SYN2: variants seen among roughly 807,000 people sequenced by gnomAD.
SYN2 encodes synapsin-2.
Under a neutral mutation model 50.9 loss-of-function variants are expected in SYN2, and 19 were observed. The observed-to-expected ratio is 0.37, with a 90% CI of 0.26 to 0.55. SYN2 has a LOEUF of 0.55. Among genes scored for constraint, SYN2 ranks in the 20% least tolerant of loss-of-function variants. The pLI is 0.81. For synonymous variants in SYN2, 255 were observed against 224.9 expected (o/e 1.13, Z -1.20); for missense variants, 587 against 576.4 (o/e 1.02, Z -0.19).
intron 1 of SYN2, among the ~76,000 whole-genome samples, chr3:12,019,014 C>G (rs1300386785): frequency 6.6e-6 from 1 of 152,082 alleles, no homozygotes; most frequent in Non-Finnish European, 1.5e-5. Context: ...TGTTTTCTTA[C>G]TTTTTGGTGC....
intron 5 of SYN2, chr3:12,158,750 T>C: frequency 6.2e-7 from 1 of 1,608,430 alleles, no homozygotes; most frequent in Admixed American, 1.7e-5. Flanking sequence ...GGGGCGCAGC[T>C]GCATGCCTCA....
intron 1 of SYN2, among the ~76,000 whole-genome samples, chr3:12,124,924 T>G (rs307567): frequency 0.82 from 124,859 of 152,190 alleles, 51,801 homozygotes; most frequent in Middle Eastern, 0.93. Flanking sequence ...TTAAGATCAA[T>G]TAGCAAATAA....
intron 1 of SYN2, among the ~76,000 whole-genome samples, chr3:12,112,337 T>A (rs1482285712): frequency 6.6e-6 from 1 of 152,222 alleles, no homozygotes; most frequent in Non-Finnish European, 1.5e-5. Flanking sequence ...TTTTATTTTT[T>A]AATTCAGCAT....
chr3:12,096,420 G>A (rs1320080152), intron 1 of SYN2, among the ~76,000 whole-genome samples: 1 of 152,122 alleles, frequency 6.6e-6, no homozygotes, highest in African/African-American at 2.4e-5. Context: ...CTGAGAACCA[G>A]TCCAGAGCTC....
At chr3:12,101,194 A>G (rs1696066542) in intron 1 of SYN2, among the ~76,000 whole-genome samples, 1 of 152,290 alleles carries the variant, frequency 6.6e-6, no homozygotes, top group East Asian at 1.9e-4. Context: ...AATTCTCATG[A>G]CAGCATGGTT....
rs183898048 is a variant in SYN2 at position 12,020,365 on chromosome 3, C to T, written c.377+15437C>T. On this transcript the variant is annotated intron_variant, in intron 1 of 12. Coordinates refer to ENST00000621198, the MANE Select transcript of SYN2 (RefSeq NM_133625.6). ...CATAATTAGTCCCTCTTGCAACATC[C>T]TCCTCTTCTTCTGTCCCCCCAGTTG... Among the ~76,000 whole-genome samples the T allele has an allele frequency of 6.3e-5, 9 of 143,166 alleles. No individual in the cohort carries two copies. In the East Asian group the frequency reaches 1.8e-3, roughly 29 times the overall value. The allele number at this position is 143,166 out of a possible 152,430, so 93.9% of individuals were successfully genotyped here. A position where few individuals can be genotyped will look rare whatever the true frequency, so the allele number is the denominator to read the frequency against.
intron 1 of SYN2, among the ~76,000 whole-genome samples, chr3:12,028,020 T>TCCCC: frequency 2.1e-5 from 1 of 46,574 alleles, no homozygotes; most frequent in African/African-American, 7.0e-5. Context: ...TATTTTTTCT[T>TCCCC]TCCCTCCCCC....
intron 1 of SYN2, among the ~76,000 whole-genome samples, chr3:12,024,657 T>A (rs532297564): frequency 6.6e-6 from 1 of 152,358 alleles, no homozygotes; most frequent in East Asian, 1.9e-4. Context: ...TTTCATTCTC[T>A]GAATATATCA....
chr3:12,037,807 C>T (rs1167292981), intron 1 of SYN2, among the ~76,000 whole-genome samples: 4 of 152,178 alleles, frequency 2.6e-5, no homozygotes, highest in African/African-American at 9.6e-5. Flanking sequence ...CAAACCATAG[C>T]AAATACCTTA....
chr3:12,168,295 A>T lies in SYN2; in HGVS notation c.1056-81A>T. Reference sequence around the variant, plus strand: ...AATGGGAGGTGGGAGAGATGGAGGCAGCAAGGAGAGCCTGACTGGCAAGCA... The same window carrying T: ...AATGGGAGGTGGGAGAGATGGAGGCTGCAAGGAGAGCCTGACTGGCAAGCA... On this transcript the variant is annotated intron_variant, in intron 8 of 12. Transcript: ENST00000621198. The T allele has an allele frequency of 2.7e-6, 3 of 1,111,560 alleles. No homozygotes were observed. The South Asian group carries it at 4.0e-5, about 15-fold the overall frequency. The allele number at this position is 1,111,560 out of a possible 1,614,324, so 68.9% of individuals were successfully genotyped here.
At chr3:12,112,194 TG>T (rs1348964284) in intron 1 of SYN2, among the ~76,000 whole-genome samples, 1 of 152,168 alleles carries the variant, frequency 6.6e-6, no homozygotes, top group African/African-American at 2.4e-5. Context: ...AGCAAAGCAC[TG>T]GTGTACAAGT....
At chr3:12,074,324 T>C (rs950727289) in intron 1 of SYN2, among the ~76,000 whole-genome samples, 1 of 152,204 alleles carries the variant, frequency 6.6e-6, no homozygotes, top group Non-Finnish European at 1.5e-5. Flanking sequence ...TAATTACTGA[T>C]GTTAGATTTA....
intron 1 of SYN2, among the ~76,000 whole-genome samples, chr3:12,038,892 G>A (rs759025725): frequency 2.3e-4 from 35 of 152,148 alleles, no homozygotes; most frequent in Non-Finnish European, 2.2e-4. Flanking sequence ...CAATTCGGAT[G>A]CCTTTAATTT....
At chr3:12,163,804 T>C (rs1173357298) in intron 7 of SYN2, among the ~76,000 whole-genome samples, 1 of 152,106 alleles carries the variant, frequency 6.6e-6, no homozygotes, top group Non-Finnish European at 1.5e-5. Context: ...TGGCCAGGTG[T>C]GGTGGCTCAC....
intron 5 of SYN2, among the ~76,000 whole-genome samples, chr3:12,157,899 T>C (rs549417377): frequency 1.1e-4 from 17 of 152,162 alleles, no homozygotes; most frequent in Admixed American, 7.8e-4. Flanking sequence ...AGTAAATGTT[T>C]ATTGAATTCA....
chr3:12,068,875 A>G (rs1019683593), intron 1 of SYN2, among the ~76,000 whole-genome samples: 22 of 152,200 alleles, frequency 1.4e-4, no homozygotes, highest in African/African-American at 4.6e-4. Flanking sequence ...GAACATTTTC[A>G]TTAACCAGAA....
At chr3:12,147,205 ATGTG>A (rs954228600) in intron 4 of SYN2, among the ~76,000 whole-genome samples, 10 of 136,604 alleles carry the variant, frequency 7.3e-5, no homozygotes, top group African/African-American at 2.6e-4. Flanking sequence ...GTGTGTGTGT[ATGTG>A]TGTGTGTATG....
chr3:12,073,358 T>G (rs993068186), intron 1 of SYN2, among the ~76,000 whole-genome samples: 11 of 152,180 alleles, frequency 7.2e-5, no homozygotes, highest in African/African-American at 2.7e-4. Context: ...AAAAATCAGC[T>G]CACCTGTATG....
chr3:12,108,220 C>A (rs555841279), intron 1 of SYN2, among the ~76,000 whole-genome samples: 2 of 152,102 alleles, frequency 1.3e-5, no homozygotes, highest in Non-Finnish European at 2.9e-5. Context: ...AAAAAGAGAA[C>A]AAAAAGAAGT....
Sources: allele counts gnomAD v4.1 joint callset (sites outside exome capture counted in the v4.1 genomes callset), GRCh38; gene constraint gnomAD v4.1.1; transcripts MANE v1.5; gene names NCBI Gene and HGNC (gene_info 2026-07-23, HGNC 2026-07-21).